The following MDGA2 variants were observed in gnomAD, a reference collection of about 807,000 sequenced individuals.
The protein encoded by MDGA2 is MAM domain-containing glycosylphosphatidylinositol anchor protein 2.
A neutral mutation model predicts 117.8 loss-of-function variants in MDGA2; 40 were observed. The observed-to-expected ratio is 0.34, with a 90% CI of 0.26 to 0.44. The LOEUF (loss-of-function observed/expected upper bound fraction) is 0.44. Among genes scored for constraint, MDGA2 ranks in the 20% least tolerant of loss-of-function variants. The probability of loss-of-function intolerance (pLI) is 1.00; values close to 1 mark genes in which losing one functional copy is unlikely to be tolerated. For missense variants in MDGA2, 1,123 were observed against 1,250.6 expected (o/e 0.90, Z 1.54); for synonymous variants, 452 against 439.0 (o/e 1.03, Z -0.37).
At chr14:47,360,492 C>T (rs1031149346) in intron 1 of MDGA2, among the ~76,000 whole-genome samples, 1 of 151,790 alleles carries the variant, frequency 6.6e-6, no homozygotes, top group Non-Finnish European at 1.5e-5. Context: ...GGTGCTTTCC[C>T]AATGAGAGAA....
chr14:47,026,100 A>G (rs1888464392), intron 8 of MDGA2, among the ~76,000 whole-genome samples: 1 of 152,192 alleles, frequency 6.6e-6, no homozygotes, highest in Admixed American at 6.5e-5. Flanking sequence ...CAAAACCAAA[A>G]AATGTGTGGC....
intron 1 of MDGA2, among the ~76,000 whole-genome samples, chr14:47,471,599 T>C (rs1893729993): frequency 1.3e-5 from 2 of 152,248 alleles, no homozygotes; most frequent in Admixed American, 6.5e-5. Context: ...TAGTTTTGCT[T>C]ACATGGATTT....
In MDGA2 at chr14:47,589,249, A is replaced by T. The variant is rs535987010; in HGVS notation, c.280+85268T>A. On this transcript the variant is annotated intron_variant, in intron 1 of 16. Coordinates refer to ENST00000399232, the MANE Select transcript of MDGA2 (RefSeq NM_001113498.3). ...CTTTTGATGTTGTTTCTAAGAAATC[A>T]TTGCCTAACCTAAACTCATGAAGAT... Among the ~76,000 whole-genome samples the T allele has an allele frequency of 3.9e-5, 6 of 152,148 alleles. No homozygotes were observed. The East Asian group carries it at 1.2e-3, about 29-fold the overall frequency.
At chr14:47,055,747 G>A (rs145052486) in intron 7 of MDGA2, among the ~76,000 whole-genome samples, 2 of 152,082 alleles carry the variant, frequency 1.3e-5, no homozygotes, top group Non-Finnish European at 2.9e-5. Context: ...TGTAAATAAA[G>A]TATTATTGGA....
At chr14:46,858,293 A>AT (rs1343335502) in intron 14 of MDGA2, among the ~76,000 whole-genome samples, 2 of 151,204 alleles carry the variant, frequency 1.3e-5, no homozygotes, top group Non-Finnish European at 2.9e-5. Flanking sequence ...GCCCTTTAGT[A>AT]TAGTTTCTCT....
chr14:47,627,550 T>C (rs893611415), intron 1 of MDGA2, among the ~76,000 whole-genome samples: 2 of 152,008 alleles, frequency 1.3e-5, no homozygotes, highest in East Asian at 3.9e-4. Flanking sequence ...CCTGGAGAAC[T>C]TTTGTGCCTA....
At chr14:47,512,813 C>G (rs968089161) in intron 1 of MDGA2, among the ~76,000 whole-genome samples, 2 of 151,972 alleles carry the variant, frequency 1.3e-5, no homozygotes, top group Non-Finnish European at 2.9e-5. Context: ...GAAAATAGGT[C>G]CCATGTTTTA....
intron 8 of MDGA2, among the ~76,000 whole-genome samples, chr14:47,026,102 AT>A (rs1888464591): frequency 6.6e-6 from 1 of 152,238 alleles, no homozygotes; most frequent in Non-Finnish European, 1.5e-5. Flanking sequence ...AAACCAAAAA[AT>A]GTGTGGCTAG....
chr14:47,174,235 T>A (rs1884326056), intron 3 of MDGA2, among the ~76,000 whole-genome samples: 1 of 152,046 alleles, frequency 6.6e-6, no homozygotes. Context: ...ATTAGACAGA[T>A]CAACGAGACA....
At chr14:47,080,777 G>C (rs1430553746) in intron 6 of MDGA2, among the ~76,000 whole-genome samples, 1 of 151,866 alleles carries the variant, frequency 6.6e-6, no homozygotes, top group Non-Finnish European at 1.5e-5. Flanking sequence ...ATTGTACCTG[G>C]GCCTGCATCT....
chr14:46,887,246 T>G (rs1408933829), intron 10 of MDGA2, among the ~76,000 whole-genome samples: 1 of 151,982 alleles, frequency 6.6e-6, no homozygotes, highest in Admixed American at 6.6e-5. Context: ...ATATGTAATA[T>G]CCCACAAACC....
chr14:47,403,056 GACTTTCTCTCCAC>G (rs1356399478), intron 1 of MDGA2, among the ~76,000 whole-genome samples: 1 of 152,112 alleles, frequency 6.6e-6, no homozygotes, highest in East Asian at 1.9e-4. Flanking sequence ...AAAAACAGCA[GACTTTCTCTCCAC>G]ACTTTCTCTC....
At position 47,119,444 on chromosome 14, in the gene MDGA2, A is replaced by C. The variant is rs1220982411; in HGVS notation, c.925+12270T>G. Reference sequence around the variant, plus strand: ...TGTATTCATATCTAACATTTTTCTTAAACACACAATGTTTAGTGTGCAGAC... The same window carrying C: ...TGTATTCATATCTAACATTTTTCTTCAACACACAATGTTTAGTGTGCAGAC... On this transcript the variant is annotated intron_variant, in intron 5 of 16. Transcript: ENST00000399232. 3.3e-5 allele frequency among the ~76,000 whole-genome samples: 5 copies of C among 152,106 alleles called. 1 individual carries two copies. Among genetic ancestry groups the C allele is most frequent in the Non-Finnish European group, 7.4e-5 (5 of 68,022 alleles).
intron 7 of MDGA2, among the ~76,000 whole-genome samples, chr14:47,060,385 T>C (rs2138780706): frequency 6.6e-6 from 1 of 152,226 alleles, no homozygotes; most frequent in African/African-American, 2.4e-5. Context: ...TACAAAACGC[T>C]GCCTGATCAT....
chr14:47,176,873 A>C (rs1335498888), intron 3 of MDGA2, among the ~76,000 whole-genome samples: 2 of 152,200 alleles, frequency 1.3e-5, no homozygotes, highest in African/African-American at 4.8e-5. Context: ...CAACCTACAC[A>C]ATGGGAGAAA....
intron 1 of MDGA2, among the ~76,000 whole-genome samples, chr14:47,384,675 G>A (rs543804726): frequency 6.6e-6 from 1 of 152,216 alleles, no homozygotes; most frequent in African/African-American, 2.4e-5. Context: ...GATTGCTTGG[G>A]TGGGTGCCAC....
intron 1 of MDGA2, among the ~76,000 whole-genome samples, chr14:47,373,528 T>G (rs1891411727): frequency 6.6e-6 from 1 of 152,088 alleles, no homozygotes; most frequent in Non-Finnish European, 1.5e-5. Context: ...TTGAAAGTAT[T>G]AAGCTAAATG....
At chr14:47,209,748 A>G (rs1566681949) in intron 3 of MDGA2, among the ~76,000 whole-genome samples, 1 of 152,164 alleles carries the variant, frequency 6.6e-6, no homozygotes, top group African/African-American at 2.4e-5. Context: ...CATCGGTATA[A>G]TTCAGAAAAT....
rs371688963 is a variant in MDGA2 at position 47,317,941 on chromosome 14, C to CA, written c.281-16392dup. Among the ~76,000 whole-genome samples the CA allele has an allele frequency of 1.4e-3, 216 of 152,196 alleles. 1 individual carries two copies. The highest frequency in any genetic ancestry group is 5.8e-3 in the South Asian group (28 of 4,824). The stretch of plus-strand genomic sequence containing the variant: ...TTCACGTTCAACACCTCTCTTCTCT[C>CA]AAAAAAGGTGTCTTTTTTCAGCCTT... On this transcript the variant is annotated intron_variant, in intron 1 of 16. Transcript: ENST00000399232.
Sources: gnomAD v4.1 joint callset for allele counts (sites outside exome capture counted in the v4.1 genomes callset) on GRCh38, gnomAD v4.1.1 for gene constraint, MANE v1.5 for transcripts, NCBI Gene and HGNC (gene_info 2026-07-23, HGNC 2026-07-21) for gene names.